CTNND2: variants seen among roughly 807,000 people sequenced by gnomAD.
CTNND2 encodes the protein catenin delta 2, also known as catenin delta-2.
In CTNND2, 22 loss-of-function variants were observed where a neutral mutation model predicts 144.4. The observed-to-expected ratio is 0.15, with a 90% CI of 0.11 to 0.22. The LOEUF (loss-of-function observed/expected upper bound fraction) is 0.22. CTNND2 is among the 10% of genes least tolerant of loss of function. CTNND2 has a pLI of 1.00. For synonymous variants in CTNND2, 751 were observed against 695.6 expected (o/e 1.08, Z -1.25); for missense variants, 1,353 against 1,618.8 (o/e 0.84, Z 2.82).
In CTNND2 at chr5:11,703,932, T is replaced by A. The variant is rs533027332; in HGVS notation, c.174+28204A>T. 2.6e-5 allele frequency among the ~76,000 whole-genome samples: 4 copies of A among 152,336 alleles called. No individual in the cohort carries two copies. The South Asian group carries it at 8.3e-4, about 32-fold the overall frequency. ...TGGAGGAAGAAAATTAAAAGAATTA[T>A]CTTTTTCTGAGGGATTCTCAAATAA... On this transcript the variant is annotated intron_variant, in intron 2 of 21. Coordinates refer to ENST00000304623, the MANE Select transcript of CTNND2 (RefSeq NM_001332.4).
intron 3 of CTNND2, among the ~76,000 whole-genome samples, chr5:11,414,335 G>A (rs541147104): frequency 1.1e-4 from 16 of 152,202 alleles, no homozygotes; most frequent in South Asian, 4.2e-4. Flanking sequence ...TTATGACAGC[G>A]CCAGGAAACA....
chr5:11,690,658 C>A, intron 2 of CTNND2, among the ~76,000 whole-genome samples: 1 of 147,584 alleles, frequency 6.8e-6, no homozygotes, highest in East Asian at 2.0e-4. Flanking sequence ...ATGGCGTGAA[C>A]CCGGGAAGTG....
chr5:11,595,446 G>T (rs953053758), intron 2 of CTNND2, among the ~76,000 whole-genome samples: 4 of 152,136 alleles, frequency 2.6e-5, no homozygotes, highest in Non-Finnish European at 5.9e-5. Context: ...GCAGTGTAGG[G>T]TATATTAAAT....
intron 2 of CTNND2, among the ~76,000 whole-genome samples, chr5:11,646,250 C>T (rs1200659988): frequency 6.6e-6 from 1 of 152,114 alleles, no homozygotes. Flanking sequence ...TGCTTAGAGT[C>T]TTATGTGTAT....
intron 11 of CTNND2, among the ~76,000 whole-genome samples, chr5:11,160,410 G>C (rs959791490): frequency 2.6e-5 from 4 of 152,204 alleles, no homozygotes; most frequent in African/African-American, 9.7e-5. Context: ...GTCCACAATG[G>C]ACAGAGCGTC....
intron 9 of CTNND2, among the ~76,000 whole-genome samples, chr5:11,307,557 G>A (rs1199177296): frequency 6.6e-6 from 1 of 152,008 alleles, no homozygotes; most frequent in Non-Finnish European, 1.5e-5. Flanking sequence ...GTAATAATTT[G>A]TATCATATTA....
chr5:11,177,224 C>T (rs926734350), intron 11 of CTNND2, among the ~76,000 whole-genome samples: 8 of 152,172 alleles, frequency 5.3e-5, no homozygotes, highest in Non-Finnish European at 8.8e-5. Context: ...GATGGTAAGG[C>T]CCCAAGAAGA....
chr5:11,743,465 G>A (rs1299729819), intron 1 of CTNND2, among the ~76,000 whole-genome samples: 1 of 152,172 alleles, frequency 6.6e-6, no homozygotes, highest in Non-Finnish European at 1.5e-5. Flanking sequence ...AGGTAGAATC[G>A]TCGATCAAGT....
chr5:10,987,664 C>CGAGG (rs1241092322), intron 20 of CTNND2, among the ~76,000 whole-genome samples: 1 of 125,074 alleles, frequency 8.0e-6, no homozygotes, highest in Admixed American at 8.1e-5. Context: ...CCTCCCCACT[C>CGAGG]CCCTCTCCTC....
intron 3 of CTNND2, among the ~76,000 whole-genome samples, chr5:11,466,863 G>C (rs1581256813): frequency 6.6e-6 from 1 of 152,152 alleles, no homozygotes; most frequent in East Asian, 1.9e-4. Flanking sequence ...TCTATGTGAT[G>C]GTCAGCTTCC....
intron 2 of CTNND2, among the ~76,000 whole-genome samples, chr5:11,703,896 G>A (rs1372683842): frequency 6.6e-6 from 1 of 152,130 alleles, no homozygotes; most frequent in Non-Finnish European, 1.5e-5. Context: ...AGGTGCAAAG[G>A]AATATTATCC....
chr5:11,424,142 T>A (rs934105452), intron 3 of CTNND2, among the ~76,000 whole-genome samples: 1 of 152,184 alleles, frequency 6.6e-6, no homozygotes, highest in Non-Finnish European at 1.5e-5. Flanking sequence ...TGTCAAAAAC[T>A]ACAAGTAACA....
chr5:11,838,454 C>G (rs1794292024), intron 1 of CTNND2, among the ~76,000 whole-genome samples: 1 of 152,158 alleles, frequency 6.6e-6, no homozygotes, highest in African/African-American at 2.4e-5. Context: ...CAGGCTCTCT[C>G]CTTAAATGAA....
In CTNND2 at chr5:11,470,965, T is replaced by TATATATATAC. The variant is rs1420039797; in HGVS notation, c.288-58897_288-58896insGTATATATAT. Among the ~76,000 whole-genome samples, 28 of 91,456 alleles carry TATATATATAC rather than the reference T, an allele frequency of 3.1e-4. 3 individuals carry two copies. The highest frequency in any genetic ancestry group is 5.5e-4 in the Non-Finnish European group (26 of 47,478). 60.0% of individuals were successfully genotyped at this position (91,456 alleles called of 152,430 possible). ...TTATTTGATACAAAGTATATATATA[T>TATATATATAC]ATATATATATATATATTTTTTTTTT... On this transcript the variant is annotated intron_variant, in intron 3 of 21. Coordinates refer to ENST00000304623, the MANE Select transcript of CTNND2 (RefSeq NM_001332.4).
chr5:11,553,379 T>C (rs1775937030), intron 3 of CTNND2, among the ~76,000 whole-genome samples: 1 of 152,170 alleles, frequency 6.6e-6, no homozygotes, highest in African/African-American at 2.4e-5. Context: ...GAGGAACAAT[T>C]TTATAATCTT....
intron 3 of CTNND2, among the ~76,000 whole-genome samples, chr5:11,529,531 A>G (rs1369480198): frequency 1.3e-5 from 2 of 152,236 alleles, no homozygotes; most frequent in African/African-American, 2.4e-5. Flanking sequence ...AAAAAAAATG[A>G]TTCAATAAAA....
At chr5:11,473,808 G>C (rs1315301552) in intron 3 of CTNND2, among the ~76,000 whole-genome samples, 2 of 152,240 alleles carry the variant, frequency 1.3e-5, no homozygotes, top group African/African-American at 4.8e-5. Context: ...CATCCAAGAA[G>C]AGCTTCTGTA....
At chr5:11,238,467 C>T (rs2149899608) in intron 9 of CTNND2, among the ~76,000 whole-genome samples, 2 of 152,288 alleles carry the variant, frequency 1.3e-5, no homozygotes, top group South Asian at 4.1e-4. Flanking sequence ...TAAAAGTGTC[C>T]TCAAAGATTT....
intron 1 of CTNND2, among the ~76,000 whole-genome samples, chr5:11,823,959 T>C (rs1161899689): frequency 2.0e-5 from 3 of 151,714 alleles, no homozygotes; most frequent in East Asian, 3.9e-4. Flanking sequence ...AATACAAAAA[T>C]TAGCTGGGCA....
Sources: gnomAD v4.1 joint callset for allele counts (sites outside exome capture counted in the v4.1 genomes callset) on GRCh38, gnomAD v4.1.1 for gene constraint, MANE v1.5 for transcripts, NCBI Gene and HGNC (gene_info 2026-07-23, HGNC 2026-07-21) for gene names.